Variants in ABHD8 observed in about 807,000 individuals in gnomAD.
The protein encoded by ABHD8 is protein ABHD8.
A neutral mutation model predicts 29.3 loss-of-function variants in ABHD8; 10 were observed. That is an observed-to-expected ratio of 0.34 (90% CI 0.21 to 0.58). The LOEUF (loss-of-function observed/expected upper bound fraction) is 0.58, where lower values mean the gene tolerates loss of function less well. Ranked by LOEUF, ABHD8 falls within the 20% of genes least tolerant of loss-of-function variation. The probability of loss-of-function intolerance (pLI) is 0.85; values close to 1 mark genes in which losing one functional copy is unlikely to be tolerated. For synonymous variants in ABHD8, 282 were observed against 274.6 expected, an observed-to-expected ratio of 1.03 and a Z score of -0.27; for missense variants, 556 against 615.3, an observed-to-expected ratio of 0.90 and a Z score of 1.02.
At chr19:17,302,351 C>T (rs35116124) in intron 1 of ABHD8, 49,589 of 146,296 alleles carry the variant, frequency 0.34, 8,306 homozygotes, top group South Asian at 0.39. Flanking sequence ...ACTAACTCAT[C>T]CATTCAGGTA....
At position 17,294,334 on chromosome 19, in the gene ABHD8, A is replaced by G; in HGVS notation, c.1103T>C (p.Met368Thr). The G allele has an allele frequency of 6.2e-7, 1 of 1,612,182 alleles. No homozygotes were observed. Among genetic ancestry groups the G allele is most frequent in the Non-Finnish European group, 8.5e-7 (1 of 1,179,958 alleles). Residue 368 changes from methionine (M) to threonine (T), a missense_variant, in exon 4 of 5, where the codon ATG becomes ACG. By Grantham distance (81) the Met-to-Thr change is moderately conservative. Coordinates refer to ENST00000247706, the MANE Select transcript of ABHD8 (RefSeq NM_024527.5). Reference protein sequence around the residue: ...LTVPVLLVHGMHDKFVPVEED... With the variant: ...LTVPVLLVHGTHDKFVPVEED... Reference sequence around the variant, plus strand: ...CTCCACCGGCACAAACTTATCGTGCATGCCGTGGACAAGCAGGACGGGCAC... The same window carrying G: ...CTCCACCGGCACAAACTTATCGTGCGTGCCGTGGACAAGCAGGACGGGCAC...
Position 17,294,682 on chromosome 19 carries a change from A to G in ABHD8, c.925T>C (p.Phe309Leu). Residue 309 changes from phenylalanine (F) to leucine (L), a missense_variant, in exon 3 of 5, where the codon TTC (phenylalanine) becomes CTC (leucine). Transcript: ENST00000247706. ...HCLSPCLAWS[F>L]LKAGFARQGA... ...TGGGGTGGGGACACTCACTTGAGGAAGCTCCAGGCCAGGCAGGGCGACAAG... is the reference window on the plus strand; with the variant it reads ...TGGGGTGGGGACACTCACTTGAGGAGGCTCCAGGCCAGGCAGGGCGACAAG... 6.2e-7 allele frequency: 1 copy of G among 1,613,808 alleles called. No individual in the cohort carries two copies. Among genetic ancestry groups the G allele is most frequent in the Non-Finnish European group, 8.5e-7 (1 of 1,179,858 alleles).
At chr19:17,302,916 C>T (rs967594111) in intron 1 of ABHD8, 1 of 152,690 alleles carries the variant, frequency 6.5e-6, no homozygotes, top group African/African-American at 2.4e-5. Context: ...CCCCCTACCC[C>T]AGGTTGGGCG....
chr19:17,299,300 G>A (rs983518824), intron 2 of ABHD8, among the ~76,000 whole-genome samples: 3 of 147,118 alleles, frequency 2.0e-5, no homozygotes, highest in Admixed American at 6.9e-5. Flanking sequence ...GTTGGCTCAC[G>A]CCTGTAATCC....
chr19:17,301,360 C>T lies in ABHD8; in HGVS notation c.257G>A (p.Arg86His), dbSNP rs755423619. The T allele has an allele frequency of 8.7e-6, 14 of 1,610,174 alleles. No homozygotes were observed. The highest frequency in any genetic ancestry group is 1.1e-5 in the Non-Finnish European group (13 of 1,179,900). The change falls in exon 2 of 5, where the codon CGC (arginine) becomes CAC (histidine). Residue 86 changes from arginine (R) to histidine (H), a missense_variant. Coordinates refer to ENST00000247706, the MANE Select transcript of ABHD8 (RefSeq NM_024527.5). ...GTTTTCCACCAGCAACCGCCCATTG[C>T]GGTACACGGTGATCCGGCGCTGACA... ...VRCQRRITVYRNGRLLVENLG... is the reference protein window; with the variant it reads ...VRCQRRITVYHNGRLLVENLG...
intron 4 of ABHD8, among the ~76,000 whole-genome samples, 184 bp from the exon 5 acceptor site, chr19:17,293,015 C>G (rs963999141): frequency 1.3e-5 from 2 of 152,178 alleles, no homozygotes; most frequent in African/African-American, 4.8e-5. Context: ...CTGCTGGAAC[C>G]CAACTAGTAT....
rs1568346754 is a variant in ABHD8, at chr19:17,294,514, G to T, written c.933-10C>A. 1.2e-6 allele frequency: 2 copies of T among 1,613,694 alleles called. No homozygotes were observed. Among genetic ancestry groups the T allele is most frequent in the Non-Finnish European group, 1.7e-6 (2 of 1,179,984 alleles). ...GCGGGCGAAGCCGGCCCTGGTGGTG[G>T]TGGAGGCACCGCTAGAGCCCCTTAT... On this transcript the variant is annotated splice_polypyrimidine_tract_variant and intron_variant, in intron 3 of 4. Transcript: ENST00000247706.
Position 17,301,329 on chromosome 19 carries a change from G to A in ABHD8, c.288C>T (p.Gly96=). The A allele has an allele frequency of 6.2e-7, 1 of 1,608,118 alleles. No individual in the cohort carries two copies. The highest frequency in any genetic ancestry group is 8.5e-7 in the Non-Finnish European group (1 of 1,179,864). ...RNGRLLVENL[G]RAPRADLLHG... is the part of the protein sequence containing the mutation. ...GTAGGAGGTCGGCTCGAGGGGCTCGGCCCAGGTTTTCCACCAGCAACCGCC... is the reference window on the plus strand; with the variant it reads ...GTAGGAGGTCGGCTCGAGGGGCTCGACCCAGGTTTTCCACCAGCAACCGCC... The change falls in exon 2 of 5, where the codon GGC becomes GGT. Residue 96 remains glycine, a synonymous_variant. Transcript: ENST00000247706.
chr19:17,292,539 C>T lies in ABHD8; in HGVS notation c.*122G>A. On this transcript the variant is annotated 3_prime_UTR_variant, in exon 5 of 5. Transcript: ENST00000247706. The stretch of plus-strand genomic sequence containing the variant: ...AGGCAGCCTGGGGGCGTCTCCCTGA[C>T]CTGGCCCCGCCCACCGGAGCGAACG... 1 of 1,235,258 alleles carries T rather than the reference C, an allele frequency of 8.1e-7. No individual in the cohort carries two copies. Among genetic ancestry groups the T allele is most frequent in the Non-Finnish European group, 1.1e-6 (1 of 932,010 alleles). The allele number at this position is 1,235,258 out of a possible 1,614,324, so 76.5% of individuals were successfully genotyped here.
intron 2 of ABHD8, 139 bp from the exon 3 acceptor site, chr19:17,294,984 C>T (rs1330876985): frequency 2.8e-6 from 3 of 1,072,880 alleles, no homozygotes; most frequent in African/African-American, 1.6e-5. Flanking sequence ...AATGCAGTGG[C>T]TCCATCTTGG....
intron 2 of ABHD8, among the ~76,000 whole-genome samples, chr19:17,296,991 G>A (rs1424051992): frequency 6.6e-6 from 1 of 152,066 alleles, no homozygotes; most frequent in African/African-American, 2.4e-5. Flanking sequence ...CACCGTGCCT[G>A]GCCAAAAAAT....
intron 2 of ABHD8, among the ~76,000 whole-genome samples, chr19:17,298,914 G>A (rs1378732392): frequency 6.6e-6 from 1 of 151,822 alleles, no homozygotes; most frequent in African/African-American, 2.4e-5. Context: ...TTAATTTTTT[G>A]TACTTTTAGT....
intron 3 of ABHD8, 39 bp downstream of exon 3, chr19:17,294,636 C>G: frequency 6.2e-7 from 1 of 1,609,500 alleles, no homozygotes; most frequent in South Asian, 1.1e-5. Context: ...CTGGGTTCGC[C>G]AGGGCCAGGA....
At chr19:17,293,802 G>A (rs1445966671) in intron 4 of ABHD8, among the ~76,000 whole-genome samples, 2 of 151,330 alleles carry the variant, frequency 1.3e-5, no homozygotes, top group Admixed American at 6.6e-5. Context: ...CAAGCGATCC[G>A]CCCCACTCAG....
At position 17,300,846 on chromosome 19, in the gene ABHD8, G is replaced by A; in HGVS notation, c.761+10C>T. On this transcript the variant is annotated intron_variant, in intron 2 of 4. Transcript: ENST00000247706. ...CCTCACCCCCACCCCACATGCCAGG[G>A]TTCACTTACCCGTAGGAATGGCCAA... The A allele has an allele frequency of 6.3e-7, 1 of 1,576,860 alleles. No individual in the cohort carries two copies. The highest frequency in any genetic ancestry group is 8.6e-7 in the Non-Finnish European group (1 of 1,156,844).
At chr19:17,301,756 C>A in intron 1 of ABHD8, 132 bp from the exon 2 acceptor site, 1 of 1,078,606 alleles carries the variant, frequency 9.3e-7, no homozygotes, top group Non-Finnish European at 1.2e-6. Context: ...AAGTGAGCCA[C>A]GGCACTGAGA....
In ABHD8 at chr19:17,301,147, G is replaced by C. The variant is rs369279878; in HGVS notation, c.470C>G (p.Thr157Ser). Residue 157 changes from threonine to serine, a missense_variant, in exon 2 of 5, where the codon ACC (threonine) becomes AGC (serine). Coordinates refer to ENST00000247706, the MANE Select transcript of ABHD8 (RefSeq NM_024527.5). Reference sequence around the variant, plus strand: ...GCGCTTCTCACAGTCAATATGGATGGTCCTCTTGGGGCGCCTGGCTCGCCG... The same window carrying C: ...GCGCTTCTCACAGTCAATATGGATGCTCCTCTTGGGGCGCCTGGCTCGCCG... ...RRRRARRPKR[T>S]IHIDCEKRIT... The C allele has an allele frequency of 9.3e-6, 15 of 1,612,070 alleles. No individual in the cohort carries two copies. The highest frequency in any genetic ancestry group is 1.3e-5 in the Non-Finnish European group (15 of 1,179,910).
At chr19:17,293,510 T>G (rs1417070112) in intron 4 of ABHD8, among the ~76,000 whole-genome samples, 1 of 151,776 alleles carries the variant, frequency 6.6e-6, no homozygotes, top group African/African-American at 2.4e-5. Context: ...GGGGCTGCTA[T>G]CCTGTGCATT....
At chr19:17,293,341 C>T (rs2074079215) in intron 4 of ABHD8, among the ~76,000 whole-genome samples, 1 of 152,010 alleles carries the variant, frequency 6.6e-6, no homozygotes, top group South Asian at 2.1e-4. Flanking sequence ...AGGCGATCTG[C>T]CCGCCTCGGT....
Sources: gnomAD v4.1 joint callset for allele counts (sites outside exome capture counted in the v4.1 genomes callset) on GRCh38, gnomAD v4.1.1 for gene constraint, MANE v1.5 for transcripts, NCBI Gene and HGNC (gene_info 2026-07-23, HGNC 2026-07-21) for gene names.